Variants in HEATR4 observed in about 807,000 individuals in gnomAD.
The protein encoded by HEATR4 is HEAT repeat containing 4.
Under a neutral mutation model 108.8 loss-of-function variants are expected in HEATR4, and 95 were observed. That is an observed-to-expected ratio of 0.87 (90% CI 0.74 to 1.04). The LOEUF (loss-of-function observed/expected upper bound fraction) is 1.04, where lower values mean the gene tolerates loss of function less well. Ranked by LOEUF, HEATR4 falls within the 50% of genes least tolerant of loss-of-function variation. The probability of loss-of-function intolerance (pLI) is 0.00; values close to 1 mark genes in which losing one functional copy is unlikely to be tolerated. For synonymous variants in HEATR4, 443 were observed against 459.4 expected (o/e 0.96, Z 0.46); for missense variants, 1,152 against 1,253.8 (o/e 0.92, Z 1.23).
chr14:73,575,078 C>G, the HEATR4 span: 1 of 1,478,242 alleles, frequency 6.8e-7, no homozygotes, highest in Non-Finnish European at 9.2e-7. Context: ...CTGTGGGCGT[C>G]AACAGAAATC....
At chr14:73,566,031 C>T in the HEATR4 span, among the ~76,000 whole-genome samples, 1 of 151,946 alleles carries the variant, frequency 6.6e-6, no homozygotes, top group Non-Finnish European at 1.5e-5. Flanking sequence ...CTCCACGTCC[C>T]CACCAGAATA....
the HEATR4 span, among the ~76,000 whole-genome samples, chr14:73,614,182 CAG>C: frequency 6.6e-6 from 1 of 151,910 alleles, no homozygotes; most frequent in African/African-American, 2.4e-5. Context: ...GCCTGGACAA[CAG>C]AGTGAAACCC....
At position 73,478,769 on chromosome 14, in the gene HEATR4, C is replaced by A. The variant is rs141489673; in HGVS notation, c.2918G>T (p.Arg973Leu). 1.9e-6 allele frequency: 3 copies of A among 1,613,732 alleles called. No individual in the cohort carries two copies. Among genetic ancestry groups the A allele is most frequent in the Admixed American group, 1.7e-5 (1 of 59,912 alleles). Residue 973 changes from arginine (R) to leucine (L), a missense_variant, in exon 18 of 18, where the codon CGT becomes CTT. Arg to Leu is a moderately radical substitution (Grantham distance 102). Coordinates refer to ENST00000553558, the MANE Select transcript of HEATR4 (RefSeq NM_001220484.1). ...GCGTAGATCTTTGACAAGTGATGAACGAACTTTGCTTCGTGTGGTTAGGCC... is the reference window on the plus strand; with the variant it reads ...GCGTAGATCTTTGACAAGTGATGAAAGAACTTTGCTTCGTGTGGTTAGGCC... ...VPGLTTRSKV[R>L]SSLVKDLRTS... is the part of the protein sequence containing the mutation.
At chr14:73,630,405 C>T in the HEATR4 span, among the ~76,000 whole-genome samples, 1 of 152,232 alleles carries the variant, frequency 6.6e-6, no homozygotes, top group African/African-American at 2.4e-5. Context: ...TTGCAACGTT[C>T]TCGCAACGTA....
At chr14:73,569,768 C>T in the HEATR4 span, 3 of 1,607,328 alleles carry the variant, frequency 1.9e-6, no homozygotes, top group South Asian at 1.1e-5. Context: ...GCCACGACCC[C>T]GACCCCGGGC....
rs1267760168 is a variant in HEATR4 at position 73,496,603 on chromosome 14, T to A, written c.2623A>T (p.Arg875Trp). The change falls in exon 15 of 18, where the codon AGG (arginine) becomes TGG (tryptophan). Residue 875 changes from arginine (R) to tryptophan (W), a missense_variant and splice_region_variant. Coordinates refer to ENST00000553558, the MANE Select transcript of HEATR4 (RefSeq NM_001220484.1). ...NQEMLQEIKN[R>W]IKTLSQKDLL... ...GAACAGAGCTTGCACTTATTTACCC[T>A]GTTCTTGATCTCCTGAAGCATTTCT... The A allele has an allele frequency of 6.3e-7, 1 of 1,591,228 alleles. No homozygotes were observed.
intron 1 of HEATR4, chr14:73,537,220 G>A (rs183359498): frequency 4.4e-6 from 2 of 453,906 alleles, no homozygotes; most frequent in Admixed American, 5.2e-5. Context: ...TTCAACACAG[G>A]AGACTTTAAG....
Position 73,537,607 on chromosome 14 carries a change from G to A in HEATR4, c.-151-7363C>T, listed in dbSNP as rs758317540. 3 of 1,218,986 alleles carry A rather than the reference G, an allele frequency of 2.5e-6. 1 individual carries two copies. In the African/African-American group the frequency reaches 4.8e-5, roughly 19 times the overall value. The allele number at this position is 1,218,986 out of a possible 1,614,324, so 75.5% of individuals were successfully genotyped here. ...CCGACACCCTTGGCGAGCTGGACCT[G>A]GAGCGCGCGCCCGCGCTGGGCGGCA... On this transcript the variant is annotated intron_variant, in intron 1 of 17. Coordinates refer to ENST00000553558, the MANE Select transcript of HEATR4 (RefSeq NM_001220484.1).
chr14:73,596,394 T>A, the HEATR4 span: 1 of 151,828 alleles, frequency 6.6e-6, no homozygotes, highest in Non-Finnish European at 1.5e-5. Context: ...TACTCGAGAC[T>A]CAGATGGGAC....
the HEATR4 span, among the ~76,000 whole-genome samples, chr14:73,629,805 C>T: frequency 3.3e-5 from 5 of 151,812 alleles, no homozygotes; most frequent in Non-Finnish European, 5.9e-5. Context: ...CCACCAAGCC[C>T]GGCTAATTTT....
In HEATR4 at chr14:73,522,630, G is replaced by A. The variant is rs755170974; in HGVS notation, c.523C>T (p.Leu175=). The stretch of plus-strand genomic sequence containing the variant: ...ACATCTAGAGAAGGTGGCCGACCCA[G>A]CATATCTGGATGCATGCAGGGATGA... The part of the protein sequence containing the change: ...IHHPCMHPDM[L]GRPPSLDVNL... Residue 175 remains leucine, a synonymous_variant, in exon 3 of 18, where the codon CTG becomes TTG. Coordinates refer to ENST00000553558, the MANE Select transcript of HEATR4 (RefSeq NM_001220484.1). 1 of 1,614,126 alleles carries A rather than the reference G, an allele frequency of 6.2e-7. No homozygotes were observed. Among genetic ancestry groups the A allele is most frequent in the Non-Finnish European group, 8.5e-7 (1 of 1,180,050 alleles).
At chr14:73,607,086 T>G in the HEATR4 span, among the ~76,000 whole-genome samples, 1 of 151,992 alleles carries the variant, frequency 6.6e-6, no homozygotes, top group Non-Finnish European at 1.5e-5. Flanking sequence ...CCGAGGTGGG[T>G]GGATCACGAA....
At chr14:73,483,382 G>A (rs1885327322) in intron 17 of HEATR4, among the ~76,000 whole-genome samples, 1 of 152,022 alleles carries the variant, frequency 6.6e-6, no homozygotes, top group Non-Finnish European at 1.5e-5. Context: ...TGTTGCCCCA[G>A]CTGCCAGAGT....
the HEATR4 span, among the ~76,000 whole-genome samples, chr14:73,627,958 G>T: frequency 6.6e-6 from 1 of 152,148 alleles, no homozygotes; most frequent in Admixed American, 6.6e-5. Context: ...ACAGGTGGGT[G>T]CCACCAAGCC....
intron 12 of HEATR4, 56 bp downstream of exon 12, chr14:73,500,494 G>A (rs1354923482): frequency 1.3e-6 from 2 of 1,538,152 alleles, no homozygotes; most frequent in Non-Finnish European, 1.8e-6. Context: ...AACCAGGGAA[G>A]GTAATGCCCT....
intron 15 of HEATR4, among the ~76,000 whole-genome samples, chr14:73,496,154 T>C (rs1322246517): frequency 6.6e-6 from 1 of 151,832 alleles, no homozygotes; most frequent in Non-Finnish European, 1.5e-5. Flanking sequence ...GCAAAAATTA[T>C]GTTAATCCTT....
At chr14:73,576,673 G>A in the HEATR4 span, among the ~76,000 whole-genome samples, 993 of 151,100 alleles carry the variant, frequency 6.6e-3, 16 homozygotes, top group African/African-American at 0.023. Flanking sequence ...GTGCATGCCT[G>A]TAGTCCCAGC....
At chr14:73,609,122 A>G in the HEATR4 span, among the ~76,000 whole-genome samples, 1 of 152,226 alleles carries the variant, frequency 6.6e-6, no homozygotes, top group Non-Finnish European at 1.5e-5. Context: ...CCCTCTGTGT[A>G]CAGGTTTTGT....
chr14:73,524,129 A>G (rs540784305), intron 2 of HEATR4, among the ~76,000 whole-genome samples: 8 of 151,590 alleles, frequency 5.3e-5, no homozygotes, highest in Admixed American at 4.6e-4. Context: ...CATCTCTACT[A>G]AAAATACAAA....
Sources: gnomAD v4.1 joint callset for allele counts (sites outside exome capture counted in the v4.1 genomes callset) on GRCh38, gnomAD v4.1.1 for gene constraint, MANE v1.5 for transcripts, NCBI Gene and HGNC (gene_info 2026-07-23, HGNC 2026-07-21) for gene names.